Variants in CDH7 observed in about 807,000 individuals in gnomAD.
The protein encoded by CDH7 is cadherin-7.
CDH7 carries 25 observed loss-of-function variants against 71.8 expected under a neutral mutation model. The ratio of observed to expected loss-of-function variants is 0.35; its 90% CI spans 0.25 to 0.49. The LOEUF (loss-of-function observed/expected upper bound fraction) is 0.49, where lower values mean the gene tolerates loss of function less well. CDH7 is among the 20% of genes least tolerant of loss of function. CDH7 has a pLI of 0.99. For synonymous variants in CDH7, 381 were observed against 363.8 expected (o/e 1.05, Z -0.54); for missense variants, 862 against 974.6 (o/e 0.88, Z 1.54).
chr18:65,865,491 C>T (rs1913725963), intron 11 of CDH7: 4 of 152,012 alleles, frequency 2.6e-5, no homozygotes, highest in Admixed American at 2.6e-4. Flanking sequence ...TTAAGAGTTA[C>T]CGCAAGTCTT....
rs1914387891 is a variant in CDH7, at chr18:65,886,954, T to C, written c.*6060T>C. ...AATGTTAATAAGCTCTCTTCTCAACTTTAGCTCTTAGTTATCTGGTTATTT... is the reference window on the plus strand; with the variant it reads ...AATGTTAATAAGCTCTCTTCTCAACCTTAGCTCTTAGTTATCTGGTTATTT... On this transcript the variant is annotated 3_prime_UTR_variant, in exon 12 of 12. Transcript: ENST00000397968. The C allele has an allele frequency of 6.6e-6, 1 of 152,282 alleles. No homozygotes were observed. Among genetic ancestry groups the C allele is most frequent in the Non-Finnish European group, 1.5e-5 (1 of 68,000 alleles). The allele number at this position is 152,282 out of a possible 1,614,324, so 9.4% of individuals were successfully genotyped here.
rs1267839549 is a variant in CDH7 at position 65,883,701 on chromosome 18, A to G, written c.*2807A>G. On this transcript the variant is annotated 3_prime_UTR_variant, in exon 12 of 12. Coordinates refer to ENST00000397968, the MANE Select transcript of CDH7 (RefSeq NM_004361.5). ...GCAAACACTACCCTTTTCTCTGGAG[A>G]ACAAGTTGTTAAACATTTACCAGCA... The G allele has an allele frequency of 1.3e-5, 2 of 152,086 alleles. No homozygotes were observed. Among genetic ancestry groups the G allele is most frequent in the Non-Finnish European group, 2.9e-5 (2 of 67,962 alleles). 9.4% of individuals were successfully genotyped at this position (152,086 alleles called of 1,614,324 possible). A position where few individuals can be genotyped will look rare whatever the true frequency, so the allele number is the denominator to read the frequency against.
Position 65,888,295 on chromosome 18 carries a change from A to G in CDH7, c.*7401A>G, listed in dbSNP as rs554964072. ...ACAAGCCGTGAGAATGTGAGACCTC[A>G]GTATATTGCTGTGTTTTATTGTGTG... On this transcript the variant is annotated 3_prime_UTR_variant, in exon 12 of 12. Coordinates refer to ENST00000397968, the MANE Select transcript of CDH7 (RefSeq NM_004361.5). The G allele has an allele frequency of 1.3e-5, 2 of 152,356 alleles. No individual in the cohort carries two copies. Among genetic ancestry groups the G allele is most frequent in the Admixed American group, 1.3e-4 (2 of 15,300 alleles). The allele number at this position is 152,356 out of a possible 1,614,324, so 9.4% of individuals were successfully genotyped here.
intron 6 of CDH7, among the ~76,000 whole-genome samples, chr18:65,837,008 C>T (rs996251018): frequency 6.6e-6 from 1 of 152,130 alleles, no homozygotes; most frequent in African/African-American, 2.4e-5. Flanking sequence ...GCTCTTCTCC[C>T]CCCATAACCC....
intron 1 of CDH7, among the ~76,000 whole-genome samples, chr18:65,757,794 T>A (rs879720749): frequency 8.5e-4 from 126 of 148,794 alleles, no homozygotes; most frequent in African/African-American, 2.3e-3. Flanking sequence ...TATATATATT[T>A]TTTTTTTCTG....
chr18:65,794,901 T>G (rs1188525351), intron 2 of CDH7, among the ~76,000 whole-genome samples: 1 of 152,154 alleles, frequency 6.6e-6, no homozygotes, highest in Non-Finnish European at 1.5e-5. Context: ...ACCACAAAAC[T>G]TTGTCAGAAG....
chr18:65,862,769 T>C lies in CDH7; in HGVS notation c.1716T>C (p.Leu572=). 10 of 1,614,122 alleles carry C rather than the reference T, an allele frequency of 6.2e-6. No individual in the cohort carries two copies. Among genetic ancestry groups the C allele is most frequent in the Non-Finnish European group, 8.5e-6 (10 of 1,179,988 alleles). ...TTGTGGACAGTGGATCTCCCTCACTTAGCAGCACCAACACCCTCACCATCC... is the reference window on the plus strand; with the variant it reads ...TTGTGGACAGTGGATCTCCCTCACTCAGCAGCACCAACACCCTCACCATCC... ...IFIVDSGSPS[L]SSTNTLTIRV... Residue 572 remains leucine (L), a synonymous_variant, in exon 11 of 12, where the codon CTT becomes CTC. Coordinates refer to ENST00000397968, the MANE Select transcript of CDH7 (RefSeq NM_004361.5).
rs779910675 is a variant in CDH7, at chr18:65,809,758, G to A, written c.265G>A (p.Glu89Lys). The A allele has an allele frequency of 5.0e-6, 8 of 1,613,902 alleles. No individual in the cohort carries two copies. Among genetic ancestry groups the A allele is most frequent in the Admixed American group, 1.7e-5 (1 of 59,988 alleles). ...TTCCATCAAATACATCTTGTCAGGC[G>A]AAGGGGCAAGTTCCATTTTCATTAT... ...DGSIKYILSGEGASSIFIIDE... is the reference protein window; with the variant it reads ...DGSIKYILSGKGASSIFIIDE... The change falls in exon 3 of 12, where the codon GAA becomes AAA. Residue 89 changes from glutamate to lysine, a missense_variant. Transcript: ENST00000397968.
Position 65,884,461 on chromosome 18 carries a change from AG to A in CDH7, c.*3568del, listed in dbSNP as rs1334192547. 6.6e-6 allele frequency: 1 copy of A among 152,148 alleles called. No homozygotes were observed. Among genetic ancestry groups the A allele is most frequent in the Non-Finnish European group, 1.5e-5 (1 of 68,020 alleles). 9.4% of individuals were successfully genotyped at this position (152,148 alleles called of 1,614,324 possible). On this transcript the variant is annotated 3_prime_UTR_variant, in exon 12 of 12. Coordinates refer to ENST00000397968, the MANE Select transcript of CDH7 (RefSeq NM_004361.5). ...TGTCTACAAGATACATGCAGGAGGT[AG>A]TAGTGGTTAAGTAATGGTAGCTGCC... is the stretch of plus-strand genomic sequence containing the variant.
At chr18:65,841,460 C>G (rs962521210) in intron 6 of CDH7, among the ~76,000 whole-genome samples, 1 of 152,020 alleles carries the variant, frequency 6.6e-6, no homozygotes, top group Non-Finnish European at 1.5e-5. Context: ...GCTGACAAAT[C>G]GGATTTCTAA....
intron 6 of CDH7, among the ~76,000 whole-genome samples, chr18:65,841,887 TAAAC>T (rs375524755): frequency 2.6e-5 from 4 of 152,172 alleles, no homozygotes; most frequent in African/African-American, 7.2e-5. Context: ...TCTTAGATAA[TAAAC>T]AAACAAAAAA....
At chr18:65,768,817 C>G (rs1179090290) in intron 2 of CDH7, among the ~76,000 whole-genome samples, 1 of 152,064 alleles carries the variant, frequency 6.6e-6, no homozygotes, top group African/African-American at 2.4e-5. Context: ...GATTATATGC[C>G]TTAGGCTGAT....
intron 2 of CDH7, among the ~76,000 whole-genome samples, chr18:65,809,343 G>A (rs1384732736): frequency 6.6e-6 from 1 of 152,180 alleles, no homozygotes. Flanking sequence ...GCTTAGAATA[G>A]ATCAAATCAA....
intron 11 of CDH7, among the ~76,000 whole-genome samples, chr18:65,867,193 G>T (rs1053914201): frequency 1.3e-5 from 2 of 151,826 alleles, no homozygotes; most frequent in Non-Finnish European, 2.9e-5. Flanking sequence ...CTGCCACCAC[G>T]CCCGGCTAAT....
intron 11 of CDH7, chr18:65,866,315 CAAAAAAAAA>C: frequency 7.3e-4 from 1 of 1,364 alleles, no homozygotes; most frequent in South Asian, 0.083. Context: ...AAAAAAAAAA[CAAAAAAAAA>C]AAAAAACAAA....
chr18:65,869,065 CCA>C (rs1268279082), intron 11 of CDH7, among the ~76,000 whole-genome samples: 5 of 152,100 alleles, frequency 3.3e-5, no homozygotes, highest in African/African-American at 1.2e-4. Context: ...GATTGAATAC[CCA>C]CTTATATGTT....
At chr18:65,810,095 C>A in intron 3 of CDH7, 97 bp downstream of exon 3, 1 of 966,118 alleles carries the variant, frequency 1.0e-6, no homozygotes, top group Non-Finnish European at 1.6e-6. Flanking sequence ...AAAAAAAAAA[C>A]CTTACTAGTA....
chr18:65,806,562 A>G (rs1337048955), intron 2 of CDH7, among the ~76,000 whole-genome samples: 1 of 151,992 alleles, frequency 6.6e-6, no homozygotes, highest in East Asian at 1.9e-4. Flanking sequence ...ATTTTATAGG[A>G]TCATAGTTTG....
In CDH7 at chr18:65,885,580, G is replaced by GTGTTAGCCAGGA. The variant is rs1321179132; in HGVS notation, c.*4688_*4689insTTAGCCAGGATG. ...TTTTTAGTACAGACGGGGTTTCACC[G>GTGTTAGCCAGGA]TGGTCTCGATCTCCTGACCTCGTGA... On this transcript the variant is annotated 3_prime_UTR_variant, in exon 12 of 12. Coordinates refer to ENST00000397968, the MANE Select transcript of CDH7 (RefSeq NM_004361.5). The GTGTTAGCCAGGA allele has an allele frequency of 5.9e-5, 9 of 151,332 alleles. No homozygotes were observed. The highest frequency in any genetic ancestry group is 2.1e-4 in the South Asian group (1 of 4,788). The allele number at this position is 151,332 out of a possible 1,614,324, so 9.4% of individuals were successfully genotyped here.
Sources: gnomAD v4.1 joint callset for allele counts (sites outside exome capture counted in the v4.1 genomes callset) on GRCh38, gnomAD v4.1.1 for gene constraint, MANE v1.5 for transcripts, NCBI Gene and HGNC (gene_info 2026-07-23, HGNC 2026-07-21) for gene names.